ARHGEF28: variants seen among roughly 807,000 people sequenced by gnomAD.
ARHGEF28 encodes the protein Rho guanine nucleotide exchange factor 28.
Under a neutral mutation model 206.6 loss-of-function variants are expected in ARHGEF28, and 152 were observed. That is an observed-to-expected ratio of 0.74 (90% CI 0.64 to 0.84). The LOEUF is 0.84. Among genes scored for constraint, ARHGEF28 ranks in the 40% least tolerant of loss-of-function variants. ARHGEF28 has a pLI of 0.00. For synonymous variants in ARHGEF28, 763 were observed against 776.4 expected (o/e 0.98, Z 0.29); for missense variants, 2,028 against 2,073.2 (o/e 0.98, Z 0.42).
In ARHGEF28 at chr5:73,834,194, G is replaced by T. The variant is rs569633520; in HGVS notation, c.1146+1735G>T. 5.9e-4 allele frequency among the ~76,000 whole-genome samples: 89 copies of T among 152,128 alleles called. No homozygotes were observed. In the Middle Eastern group the frequency reaches 0.021, roughly 35 times the overall value. On this transcript the variant is annotated intron_variant, in intron 10 of 35. Coordinates refer to ENST00000513042, the MANE Select transcript of ARHGEF28 (RefSeq NM_001177693.2). ...TATATCATCTCACATATTTATTTTT[G>T]TAGTGAGAATACTTAAGATCTACAG...
chr5:73,752,492 C>T (rs1415804642), intron 3 of ARHGEF28, among the ~76,000 whole-genome samples: 2 of 152,114 alleles, frequency 1.3e-5, no homozygotes, highest in African/African-American at 2.4e-5. Context: ...ATGGTGCTAT[C>T]TTATAAACTT....
chr5:73,828,708 CTCTTTCTCTTTCTTTCTCTCTG>C (rs1561435780), intron 9 of ARHGEF28, among the ~76,000 whole-genome samples: 1 of 147,842 alleles, frequency 6.8e-6, no homozygotes, highest in African/African-American at 2.5e-5. Flanking sequence ...TTCTCTCTGT[CTCTTTCTCTTTCTTTCTCTCTG>C]TCTTTCTCTT....
Position 73,749,842 on chromosome 5 carries a change from G to A in ARHGEF28, c.39G>A (p.Gln13=), listed in dbSNP as rs749051345. ...LSCSEAPLYG[Q]MMIYAKFDKN... The stretch of plus-strand genomic sequence containing the variant: ...CCGACTTATTCCTTTTTCAGGGGCA[G>A]ATGATGATCTATGCGAAGTTTGACA... Residue 13 remains glutamine, a synonymous_variant, in exon 3 of 36, where the codon CAG becomes CAA. Coordinates refer to ENST00000513042, the MANE Select transcript of ARHGEF28 (RefSeq NM_001177693.2). 6.2e-7 allele frequency: 1 copy of A among 1,613,960 alleles called. No homozygotes were observed. The highest frequency in any genetic ancestry group is 1.1e-5 in the South Asian group (1 of 91,052).
At chr5:73,805,478 G>A (rs1406280975) in intron 9 of ARHGEF28, among the ~76,000 whole-genome samples, 2 of 152,138 alleles carry the variant, frequency 1.3e-5, no homozygotes, top group Non-Finnish European at 2.9e-5. Flanking sequence ...TAAGAATAAA[G>A]GCAAAAGAAA....
rs901980081 is a variant in ARHGEF28 at position 73,749,032 on chromosome 5, G to A, written c.34-805G>A. Among the ~76,000 whole-genome samples, 6 of 152,166 alleles carry A rather than the reference G, an allele frequency of 3.9e-5. No homozygotes were observed. In the South Asian group the frequency reaches 1.2e-3, roughly 32 times the overall value. ...CCTTTGACATTAGTCCTCAGAGGAT[G>A]CCTCGGTGACCTGAGGTGGCAGCTC... On this transcript the variant is annotated intron_variant, in intron 2 of 35. Coordinates refer to ENST00000513042, the MANE Select transcript of ARHGEF28 (RefSeq NM_001177693.2).
intron 4 of ARHGEF28, among the ~76,000 whole-genome samples, chr5:73,769,446 T>C (rs919661633): frequency 2.0e-5 from 3 of 152,258 alleles, no homozygotes; most frequent in Non-Finnish European, 2.9e-5. Flanking sequence ...TTGAACTTCA[T>C]ATTAATTGAA....
intron 22 of ARHGEF28, among the ~76,000 whole-genome samples, chr5:73,881,334 A>T (rs1760925858): frequency 6.6e-6 from 1 of 152,196 alleles, no homozygotes. Flanking sequence ...TTTAAAAAGC[A>T]TACTGGGATT....
chr5:73,789,628 A>G (rs1426148473), intron 7 of ARHGEF28, among the ~76,000 whole-genome samples: 1 of 152,170 alleles, frequency 6.6e-6, no homozygotes, highest in Non-Finnish European at 1.5e-5. Context: ...CCAACATTTA[A>G]TGGTAGTTAT....
intron 33 of ARHGEF28, chr5:73,908,358 A>T (rs1762662647): frequency 6.6e-6 from 1 of 152,214 alleles, no homozygotes; most frequent in African/African-American, 2.4e-5. Context: ...AACATCTGTT[A>T]TATGGACAGT....
At chr5:73,676,710 C>T (rs1746716226) in intron 1 of ARHGEF28, among the ~76,000 whole-genome samples, 1 of 152,112 alleles carries the variant, frequency 6.6e-6, no homozygotes, top group African/African-American at 2.4e-5. Flanking sequence ...GTTAATGGGT[C>T]TCTGCCACAT....
At chr5:73,743,766 G>T (rs1751569126) in intron 2 of ARHGEF28, among the ~76,000 whole-genome samples, 1 of 152,088 alleles carries the variant, frequency 6.6e-6, no homozygotes, top group South Asian at 2.1e-4. Flanking sequence ...CCAAACTGTT[G>T]CATACATTTT....
intron 2 of ARHGEF28, among the ~76,000 whole-genome samples, chr5:73,703,645 C>T (rs1259846055): frequency 8.0e-6 from 1 of 124,778 alleles, no homozygotes; most frequent in Non-Finnish European, 1.7e-5. Context: ...CCTTTCCCAG[C>T]ATTGTGTGTG....
At chr5:73,910,101 C>G (rs1762801957) in intron 34 of ARHGEF28, among the ~76,000 whole-genome samples, 1 of 152,106 alleles carries the variant, frequency 6.6e-6, no homozygotes, top group Non-Finnish European at 1.5e-5. Context: ...ACAGTGCGGG[C>G]CAGGCGCGGT....
chr5:73,800,648 G>GA (rs375244648), intron 9 of ARHGEF28, among the ~76,000 whole-genome samples: 3,149 of 151,884 alleles, frequency 0.021, 125 homozygotes, highest in African/African-American at 0.07. Flanking sequence ...AAACAAAACA[G>GA]AAAAAAGAAA....
chr5:73,667,569 A>G (rs2112205567), intron 1 of ARHGEF28, among the ~76,000 whole-genome samples: 1 of 152,190 alleles, frequency 6.6e-6, no homozygotes, highest in East Asian at 1.9e-4. Context: ...TGATGAATAG[A>G]CTCTGGCTTC....
At chr5:73,716,129 A>ATTT (rs111598829) in intron 2 of ARHGEF28, among the ~76,000 whole-genome samples, 2,355 of 150,622 alleles carry the variant, frequency 0.016, 60 homozygotes, top group African/African-American at 0.054. Flanking sequence ...GGGAAGACTA[A>ATTT]TTTTTTTTTT....
intron 4 of ARHGEF28, among the ~76,000 whole-genome samples, 185 bp downstream of exon 4, chr5:73,753,387 G>A (rs549821339): frequency 2.4e-4 from 36 of 152,342 alleles, no homozygotes; most frequent in Admixed American, 4.6e-4. Context: ...ATGTGACTCC[G>A]TGCCAGGAGG....
intron 4 of ARHGEF28, among the ~76,000 whole-genome samples, chr5:73,761,965 G>A (rs2112423676): frequency 6.6e-6 from 1 of 151,348 alleles, no homozygotes; most frequent in East Asian, 1.9e-4. Context: ...CTAGTAACTG[G>A]GACTATAGGT....
At chr5:73,632,086 C>T (rs1363775747) in intron 1 of ARHGEF28, among the ~76,000 whole-genome samples, 1 of 152,128 alleles carries the variant, frequency 6.6e-6, no homozygotes, top group African/African-American at 2.4e-5. Flanking sequence ...ACGTGTTGGT[C>T]AGTTATTTAG....
Sources: allele counts gnomAD v4.1 joint callset (sites outside exome capture counted in the v4.1 genomes callset), GRCh38; gene constraint gnomAD v4.1.1; transcripts MANE v1.5; gene names NCBI Gene and HGNC (gene_info 2026-07-23, HGNC 2026-07-21).